ASIC5: variants seen among roughly 807,000 people sequenced by gnomAD.
The protein encoded by ASIC5 is bile acid-sensitive ion channel.
Under a neutral mutation model 51.2 loss-of-function variants are expected in ASIC5, and 52 were observed. That is an observed-to-expected ratio of 1.02 (90% CI 0.81 to 1.28). ASIC5 has a LOEUF of 1.28. ASIC5 is among the 50% of genes most tolerant of loss of function. The pLI, the probability that ASIC5 is intolerant of heterozygous loss-of-function variation, is 0.00. For missense variants in ASIC5, 635 were observed against 595.0 expected, an observed-to-expected ratio of 1.07 and a Z score of -0.70; for synonymous variants, 231 against 200.7, an observed-to-expected ratio of 1.15 and a Z score of -1.28.
chr4:155,865,441 A>C (rs886719593), intron 1 of ASIC5, among the ~76,000 whole-genome samples: 2 of 142,312 alleles, frequency 1.4e-5, no homozygotes, highest in African/African-American at 5.8e-5. Flanking sequence ...TAAAAGAACA[A>C]CTCAGTCTCT....
At chr4:155,852,155 T>C (rs1285731372) in intron 4 of ASIC5, 36 bp downstream of exon 4, 1 of 1,610,724 alleles carries the variant, frequency 6.2e-7, no homozygotes, top group South Asian at 1.1e-5. Flanking sequence ...CCCCCACACA[T>C]TCTCGTTTGT....
intron 2 of ASIC5, among the ~76,000 whole-genome samples, chr4:155,858,413 A>G (rs1741602580): frequency 6.6e-6 from 1 of 152,130 alleles, no homozygotes; most frequent in Admixed American, 6.6e-5. Flanking sequence ...ACATCAATAC[A>G]TGGATAAAGT....
Position 155,866,184 on chromosome 4 carries a change from C to T in ASIC5, c.40+3G>A, listed in dbSNP as rs375754827. ...TGCTCTGAGGAGTTCACTCTTTACT[C>T]ACCGTTCTCAGCATATACTTTTGAT... On this transcript the variant is annotated splice_donor_region_variant and intron_variant, in intron 1 of 9. Transcript: ENST00000537611. 4.4e-6 allele frequency: 7 copies of T among 1,592,066 alleles called. No individual in the cohort carries two copies. Among genetic ancestry groups the T allele is most frequent in the Non-Finnish European group, 8.6e-7 (1 of 1,160,956 alleles).
At chr4:155,836,132 A>G (rs1304603763) in intron 8 of ASIC5, among the ~76,000 whole-genome samples, 1 of 152,196 alleles carries the variant, frequency 6.6e-6, no homozygotes, top group East Asian at 1.9e-4. Flanking sequence ...CAGAAAGAGG[A>G]CTAATTTAAT....
At chr4:155,836,456 G>A (rs991947802) in intron 8 of ASIC5, among the ~76,000 whole-genome samples, 2 of 152,114 alleles carry the variant, frequency 1.3e-5, no homozygotes, top group Non-Finnish European at 2.9e-5. Flanking sequence ...GTTTGATCAT[G>A]AGCAAGTTAC....
chr4:155,836,341 T>C (rs529824935), intron 8 of ASIC5, among the ~76,000 whole-genome samples: 9 of 152,366 alleles, frequency 5.9e-5, no homozygotes, highest in Non-Finnish European at 1.3e-4. Flanking sequence ...TGTACAGTTA[T>C]TAGAAGACTC....
intron 2 of ASIC5, among the ~76,000 whole-genome samples, chr4:155,855,830 G>A (rs34233852): frequency 0.71 from 108,172 of 151,706 alleles, 41,519 homozygotes; most frequent in East Asian, 0.86. Context: ...GTCAGCTAAC[G>A]GAAGTGGCCT....
chr4:155,857,703 T>G (rs1741581935), intron 2 of ASIC5, among the ~76,000 whole-genome samples: 1 of 152,138 alleles, frequency 6.6e-6, no homozygotes, highest in African/African-American at 2.4e-5. Context: ...GATGCCTGAC[T>G]CAGGCCTTAT....
intron 3 of ASIC5, 53 bp downstream of exon 3, chr4:155,854,024 G>A: frequency 7.5e-7 from 1 of 1,325,306 alleles, no homozygotes; most frequent in South Asian, 1.3e-5. Context: ...GTGAAACAGT[G>A]CAGTAACGGA....
chr4:155,848,693 A>C (rs1741311768), intron 4 of ASIC5, among the ~76,000 whole-genome samples: 2 of 152,056 alleles, frequency 1.3e-5, no homozygotes, highest in South Asian at 4.1e-4. Context: ...CAAAACTCTA[A>C]CAGGTGCCCT....
In ASIC5 at chr4:155,836,676, C is replaced by A; in HGVS notation, c.1235+13G>T. The A allele has an allele frequency of 1.9e-6, 3 of 1,544,474 alleles. No individual in the cohort carries two copies. The highest frequency in any genetic ancestry group is 1.8e-6 in the Non-Finnish European group (2 of 1,129,200). On this transcript the variant is annotated intron_variant, in intron 8 of 9. Coordinates refer to ENST00000537611, the MANE Select transcript of ASIC5 (RefSeq NM_017419.3). ...TGTTAATTATCAATAATTTAAAAGG[C>A]TAGTAAGGTTACCTGATGTATTTCC...
intron 4 of ASIC5, among the ~76,000 whole-genome samples, chr4:155,849,503 T>C (rs1461524514): frequency 2.6e-5 from 4 of 152,084 alleles, no homozygotes; most frequent in Non-Finnish European, 2.9e-5. Context: ...ACATGATTTG[T>C]CTTTAGCAAA....
intron 2 of ASIC5, among the ~76,000 whole-genome samples, chr4:155,859,246 A>G (rs899264873): frequency 4.6e-5 from 7 of 152,118 alleles, no homozygotes; most frequent in African/African-American, 1.4e-4. Flanking sequence ...AAAATATGTC[A>G]GTGTCCAAAA....
At chr4:155,841,582 T>C (rs564702765) in intron 6 of ASIC5, among the ~76,000 whole-genome samples, 16 of 152,244 alleles carry the variant, frequency 1.1e-4, no homozygotes, top group African/African-American at 3.8e-4. Context: ...AAGTTGCAAA[T>C]TGTATGAAAA....
intron 6 of ASIC5, 27 bp downstream of exon 6, chr4:155,842,180 G>A (rs572670823): frequency 4.4e-6 from 7 of 1,608,376 alleles, no homozygotes; most frequent in South Asian, 1.1e-5. Flanking sequence ...GTCTAGTTAA[G>A]TAAGGGGGCA....
intron 2 of ASIC5, among the ~76,000 whole-genome samples, chr4:155,861,552 G>T (rs963156133): frequency 6.6e-6 from 1 of 151,730 alleles, no homozygotes; most frequent in Non-Finnish European, 1.5e-5. Context: ...TAACCCATTT[G>T]CATCTTCAAA....
intron 3 of ASIC5, 56 bp from the exon 4 acceptor site, chr4:155,852,372 T>C: frequency 1.3e-6 from 2 of 1,535,786 alleles, no homozygotes; most frequent in Non-Finnish European, 1.8e-6. Flanking sequence ...TTGTCACTTC[T>C]CAAGTTTGCC....
intron 5 of ASIC5, 69 bp from the exon 6 acceptor site, chr4:155,842,423 G>C: frequency 7.2e-7 from 1 of 1,389,960 alleles, no homozygotes; most frequent in Non-Finnish European, 9.8e-7. Flanking sequence ...CCATCAAGAA[G>C]CTGGTACACA....
At chr4:155,838,731 T>C in intron 7 of ASIC5, 82 bp downstream of exon 7, 1 of 800,580 alleles carries the variant, frequency 1.2e-6, no homozygotes, top group South Asian at 1.6e-5. Flanking sequence ...TTCTGGGCTA[T>C]CCATAGTTTG....
Sources: allele counts gnomAD v4.1 joint callset (sites outside exome capture counted in the v4.1 genomes callset), GRCh38; gene constraint gnomAD v4.1.1; transcripts MANE v1.5; gene names NCBI Gene and HGNC (gene_info 2026-07-23, HGNC 2026-07-21).